NFIB: variants seen among roughly 807,000 people sequenced by gnomAD.
NFIB encodes nuclear factor I B.
NFIB carries 11 observed loss-of-function variants against 61.5 expected under a neutral mutation model. That is an observed-to-expected ratio of 0.18 (90% CI 0.11 to 0.30). NFIB has a LOEUF of 0.30. NFIB is among the 10% of genes least tolerant of loss of function. The pLI is 1.00. For synonymous variants in NFIB, 260 were observed against 216.5 expected, an observed-to-expected ratio of 1.20 and a Z score of -1.76; for missense variants, 471 against 608.9, an observed-to-expected ratio of 0.77 and a Z score of 2.38.
chr9:14,200,936 T>C (rs1348930713), intron 2 of NFIB, among the ~76,000 whole-genome samples: 1 of 152,130 alleles, frequency 6.6e-6, no homozygotes, highest in Non-Finnish European at 1.5e-5. Context: ...CCGCAACCAA[T>C]CCATATCTCA....
chr9:14,209,815 T>C (rs2050124665), intron 2 of NFIB, among the ~76,000 whole-genome samples: 1 of 152,156 alleles, frequency 6.6e-6, no homozygotes, highest in South Asian at 2.1e-4. Flanking sequence ...TGCCTCTGGG[T>C]AAACTTGCCC....
intron 2 of NFIB, among the ~76,000 whole-genome samples, chr9:14,243,098 C>T (rs1475047823): frequency 6.6e-6 from 1 of 152,100 alleles, no homozygotes; most frequent in African/African-American, 2.4e-5. Flanking sequence ...AAAGAGATAG[C>T]TGATTTAACC....
At chr9:14,184,434 C>T (rs147880095) in intron 2 of NFIB, among the ~76,000 whole-genome samples, 1 of 152,052 alleles carries the variant, frequency 6.6e-6, no homozygotes, top group Non-Finnish European at 1.5e-5. Context: ...AAGTTGGAAG[C>T]AATTATTAGT....
chr9:14,344,187 G>GAGAC (rs2060990542), intron 1 of NFIB, among the ~76,000 whole-genome samples: 2 of 151,898 alleles, frequency 1.3e-5, no homozygotes, highest in African/African-American at 4.8e-5. Flanking sequence ...AAAAACAACA[G>GAGAC]AGACAGACAC....
At chr9:14,458,976 C>T in the NFIB span, among the ~76,000 whole-genome samples, 25 of 152,250 alleles carry the variant, frequency 1.6e-4, no homozygotes, top group African/African-American at 5.1e-4. Flanking sequence ...CCATCCCCAT[C>T]GAGCTACGAT....
At chr9:14,152,287 G>T (rs1178803358) in intron 4 of NFIB, among the ~76,000 whole-genome samples, 2 of 152,104 alleles carry the variant, frequency 1.3e-5, no homozygotes, top group Non-Finnish European at 2.9e-5. Context: ...CTAAGTGCCT[G>T]ATGGCTTGAA....
At chr9:14,428,764 C>G in the NFIB span, among the ~76,000 whole-genome samples, 1 of 152,108 alleles carries the variant, frequency 6.6e-6, no homozygotes, top group Non-Finnish European at 1.5e-5. Flanking sequence ...AGGTAATTCC[C>G]CCAGATTGCA....
At position 14,120,736 on chromosome 9, in the gene NFIB, C is replaced by G. The variant is rs2119153775; in HGVS notation, c.1061-112G>C. 5 of 1,122,876 alleles carry G rather than the reference C, an allele frequency of 4.5e-6. No individual in the cohort carries two copies. The East Asian group carries it at 1.3e-4, about 30-fold the overall frequency. The allele number at this position is 1,122,876 out of a possible 1,614,324, so 69.6% of individuals were successfully genotyped here. A position where few individuals can be genotyped will look rare whatever the true frequency, so the allele number is the denominator to read the frequency against. On this transcript the variant is annotated intron_variant, in intron 7 of 10. Transcript: ENST00000380953. The surrounding 1 kb of genome is among the most constrained non-coding windows in gnomAD (Gnocchi z 4.4). ...AAAACTGGTAACCATTCATTTTTGT[C>G]CCCATGATTTAACCAAGCTCTCCTA...
chr9:14,259,649 C>G (rs2056558837), intron 2 of NFIB, among the ~76,000 whole-genome samples: 1 of 152,082 alleles, frequency 6.6e-6, no homozygotes, highest in Admixed American at 6.6e-5. Context: ...GCCTGTAATC[C>G]CAGTACTTTG....
the NFIB span, among the ~76,000 whole-genome samples, chr9:14,507,861 C>T: frequency 2.0e-5 from 3 of 151,862 alleles, no homozygotes; most frequent in African/African-American, 7.3e-5. Context: ...CACAGGCTGC[C>T]GGCATCAGAA....
At chr9:14,436,575 G>A in the NFIB span, among the ~76,000 whole-genome samples, 1 of 152,154 alleles carries the variant, frequency 6.6e-6, no homozygotes, top group African/African-American at 2.4e-5. Context: ...TGTCTTCTTA[G>A]GATACGCATT....
At chr9:14,107,337 A>C (rs2036711769) in intron 10 of NFIB, among the ~76,000 whole-genome samples, 1 of 151,992 alleles carries the variant, frequency 6.6e-6, no homozygotes, top group Admixed American at 6.6e-5. Flanking sequence ...CAAACAAAAA[A>C]AAAAGATACT....
intron 8 of NFIB, among the ~76,000 whole-genome samples, chr9:14,118,684 C>T (rs2119124308): frequency 6.6e-6 from 1 of 151,588 alleles, no homozygotes; most frequent in Middle Eastern, 3.5e-3. Flanking sequence ...AAGCTAACAG[C>T]ATTAGGAAAG....
At chr9:14,187,027 A>G (rs11491922) in intron 2 of NFIB, among the ~76,000 whole-genome samples, 1,726 of 60,782 alleles carry the variant, frequency 0.028, 47 homozygotes, top group South Asian at 0.11. Flanking sequence ...GTGTGTGTGT[A>G]TGTGTGTGTG....
chr9:14,484,183 T>G, the NFIB span, among the ~76,000 whole-genome samples: 17,838 of 152,230 alleles, frequency 0.12, 1,133 homozygotes, highest in South Asian at 0.19. Flanking sequence ...TTACTCAGTT[T>G]TTGCTGAGCA....
In NFIB at chr9:14,204,506, C is replaced by G. The variant is rs2049409919; in HGVS notation, c.563-24726G>C. On this transcript the variant is annotated intron_variant, in intron 2 of 10. Coordinates refer to ENST00000380953, the MANE Select transcript of NFIB (RefSeq NM_001190737.2). ...TGCGATTAACCAGTTCACCCAGGACCTGGACCACCAAACAGCTACTCAGCT... is the reference window on the plus strand; with the variant it reads ...TGCGATTAACCAGTTCACCCAGGACGTGGACCACCAAACAGCTACTCAGCT... 4 of 1,134,448 alleles carry G rather than the reference C, an allele frequency of 3.5e-6. No homozygotes were observed. The South Asian group carries it at 5.0e-5, about 14-fold the overall frequency. 70.3% of individuals were successfully genotyped at this position (1,134,448 alleles called of 1,614,324 possible). A position where few individuals can be genotyped will look rare whatever the true frequency, so the allele number is the denominator to read the frequency against.
At chr9:14,151,915 T>C (rs2042913286) in intron 4 of NFIB, among the ~76,000 whole-genome samples, 1 of 152,102 alleles carries the variant, frequency 6.6e-6, no homozygotes, top group African/African-American at 2.4e-5. Context: ...TCAAGTTGAG[T>C]ATAAAATTCC....
Position 14,084,545 on chromosome 9 carries a change from CTCACG to C in NFIB, c.*3759_*3763del, listed in dbSNP as rs1175654705. 1 of 226,770 alleles carries C rather than the reference CTCACG, an allele frequency of 4.4e-6. No individual in the cohort carries two copies. Among genetic ancestry groups the C allele is most frequent in the Non-Finnish European group, 8.8e-6 (1 of 113,818 alleles). The allele number at this position is 226,770 out of a possible 1,614,324, so 14.0% of individuals were successfully genotyped here. A position where few individuals can be genotyped will look rare whatever the true frequency, so the allele number is the denominator to read the frequency against. On this transcript the variant is annotated 3_prime_UTR_variant, in exon 11 of 11. Coordinates refer to ENST00000380953, the MANE Select transcript of NFIB (RefSeq NM_001190737.2). ...TTTTTCCTTAGACAAGCCTCAAATG[CTCACG>C]TCACTCCAGGGGTAACACGCTTCAG...
the NFIB span, among the ~76,000 whole-genome samples, chr9:14,530,386 A>G: frequency 6.6e-6 from 1 of 150,928 alleles, no homozygotes; most frequent in Non-Finnish European, 1.5e-5. Flanking sequence ...CATCAGGAAT[A>G]AAATAGGGGT....
Sources: allele counts gnomAD v4.1 joint callset (sites outside exome capture counted in the v4.1 genomes callset), GRCh38; gene constraint gnomAD v4.1.1; non-coding constraint Gnocchi (gnomAD v3.1); transcripts MANE v1.5; gene names NCBI Gene and HGNC (gene_info 2026-07-23, HGNC 2026-07-21).